ADAM10: variants seen among roughly 807,000 people sequenced by gnomAD.
The protein encoded by ADAM10 is ADAM metallopeptidase domain 10.
ADAM10 carries 17 observed loss-of-function variants against 90.1 expected under a neutral mutation model. That is an observed-to-expected ratio of 0.19 (90% confidence interval 0.13 to 0.28). The LOEUF is 0.28. ADAM10 is among the 10% of genes least tolerant of loss of function. The probability of loss-of-function intolerance (pLI) is 1.00; values close to 1 mark genes in which losing one functional copy is unlikely to be tolerated. For missense variants in ADAM10, 610 were observed against 914.3 expected (o/e 0.67, Z 4.29); for synonymous variants, 310 against 298.6 (o/e 1.04, Z -0.40).
At chr15:58,651,844 T>C (rs1439192042) in intron 5 of ADAM10, among the ~76,000 whole-genome samples, 1 of 152,172 alleles carries the variant, frequency 6.6e-6, no homozygotes, top group East Asian at 1.9e-4. Flanking sequence ...ATAGCAATTG[T>C]ACTAATTTGC....
chr15:58,722,146 C>T (rs1397633038), intron 1 of ADAM10, among the ~76,000 whole-genome samples: 2 of 151,992 alleles, frequency 1.3e-5, no homozygotes, highest in Admixed American at 6.6e-5. Flanking sequence ...TCAAGGCCAG[C>T]CTGGCCAACA....
At chr15:58,641,670 T>A (rs9302203) in intron 7 of ADAM10, among the ~76,000 whole-genome samples, 42,904 of 152,140 alleles carry the variant, frequency 0.28, 8,434 homozygotes, top group African/African-American at 0.55. Flanking sequence ...AATACCAGAC[T>A]TCTATTAAAC....
At chr15:58,712,246 A>G (rs1405272448) in intron 2 of ADAM10, among the ~76,000 whole-genome samples, 2 of 152,270 alleles carry the variant, frequency 1.3e-5, no homozygotes, top group East Asian at 3.9e-4. Flanking sequence ...ATAGTATGCT[A>G]AAGTACATGA....
intron 1 of ADAM10, among the ~76,000 whole-genome samples, chr15:58,720,404 ATTTTT>A (rs879811536): frequency 0.15 from 6,972 of 45,126 alleles, 612 homozygotes; most frequent in African/African-American, 0.33. Flanking sequence ...ATTTTATTTT[ATTTTT>A]TTTTTTTTTG....
chr15:58,745,169 C>T (rs1234392683), intron 1 of ADAM10, among the ~76,000 whole-genome samples: 1 of 152,068 alleles, frequency 6.6e-6, no homozygotes, highest in South Asian at 2.1e-4. Context: ...GGTGACAGAG[C>T]GAGATTCCAT....
chr15:58,737,416 G>T (rs148050801), intron 1 of ADAM10, among the ~76,000 whole-genome samples: 1 of 152,030 alleles, frequency 6.6e-6, no homozygotes, highest in Non-Finnish European at 1.5e-5. Flanking sequence ...TTCAAATACT[G>T]TAAGTACAAA....
At chr15:58,718,419 C>T (rs761838192) in intron 1 of ADAM10, among the ~76,000 whole-genome samples, 8 of 151,870 alleles carry the variant, frequency 5.3e-5, no homozygotes, top group Non-Finnish European at 1.0e-4. Flanking sequence ...GGGTATATAC[C>T]GGCTTACAGT....
At chr15:58,651,512 T>C (rs928308649) in intron 5 of ADAM10, among the ~76,000 whole-genome samples, 5 of 152,226 alleles carry the variant, frequency 3.3e-5, no homozygotes, top group Non-Finnish European at 7.3e-5. Flanking sequence ...TATGTGAAGT[T>C]TGTCTTTCTG....
rs1299902898 is a variant in ADAM10 at position 58,611,942 on chromosome 15, A to G, written c.1561T>C (p.Ser521Pro). Reference protein sequence around the residue: ...CTAQCAFKSKSEKCRDDSDCA... With the variant: ...CTAQCAFKSKPEKCRDDSDCA... ...TCTGAATCATCCCGACACTTCTCAGACTTTGACTTGAATGCACACTGTGCT... is the reference window on the plus strand; with the variant it reads ...TCTGAATCATCCCGACACTTCTCAGGCTTTGACTTGAATGCACACTGTGCT... The change falls in exon 12 of 16, where the codon TCT becomes CCT. Residue 521 changes from serine to proline, a missense_variant. Physicochemically the swap from Ser to Pro is moderately conservative, Grantham distance 74. This residue lies in a region of ADAM10 where 53 missense variants were observed against 62.0 expected (regional missense o/e 0.85). Coordinates refer to ENST00000260408, the MANE Select transcript of ADAM10 (RefSeq NM_001110.4). 3 of 1,614,168 alleles carry G rather than the reference A, an allele frequency of 1.9e-6. No individual in the cohort carries two copies.
chr15:58,706,279 C>G (rs1213692443), intron 2 of ADAM10, among the ~76,000 whole-genome samples: 1 of 152,098 alleles, frequency 6.6e-6, no homozygotes. Context: ...ATCCAGGAGT[C>G]CCAGAGACAA....
At chr15:58,686,496 C>T (rs191302877) in intron 2 of ADAM10, 1 of 1,422,848 alleles carries the variant, frequency 7.0e-7, no homozygotes, top group Middle Eastern at 1.8e-4. Flanking sequence ...ATCAATGTCT[C>T]TCAGGCAGCC....
intron 5 of ADAM10, among the ~76,000 whole-genome samples, chr15:58,658,419 A>C (rs1179343965): frequency 6.6e-6 from 1 of 152,208 alleles, no homozygotes; most frequent in Non-Finnish European, 1.5e-5. Context: ...AAGTCTTAAA[A>C]ACCAAATACT....
At chr15:58,629,916 T>C (rs1323780491) in intron 9 of ADAM10, among the ~76,000 whole-genome samples, 1 of 152,022 alleles carries the variant, frequency 6.6e-6, no homozygotes, top group Non-Finnish European at 1.5e-5. Context: ...ACAGGTGCAG[T>C]CCAGCACACC....
rs1162350060 is a variant in ADAM10, at chr15:58,647,248, A to ATTTCTTTTTT, written c.586-1045_586-1044insAAAAAAGAAA. ...TGGCAGCAAAGAGTAGACACTAAGTATTTTTTTTTTTTTTTTTTTTTTTTT... is the reference window on the plus strand; with the variant it reads ...TGGCAGCAAAGAGTAGACACTAAGTATTTCTTTTTTTTTTTTTTTTTTTTTTTTTTTTTTT... On this transcript the variant is annotated intron_variant, in intron 5 of 15. Transcript: ENST00000260408. Among the ~76,000 whole-genome samples the ATTTCTTTTTT allele has an allele frequency of 1.2e-3, 72 of 59,600 alleles. 14 individuals carry two copies. The highest frequency in any genetic ancestry group is 3.7e-3 in the African/African-American group (69 of 18,644). The allele number at this position is 59,600 out of a possible 152,430, so 39.1% of individuals were successfully genotyped here. A position where few individuals can be genotyped will look rare whatever the true frequency, so the allele number is the denominator to read the frequency against.
At chr15:58,719,445 T>A (rs542227192) in intron 1 of ADAM10, among the ~76,000 whole-genome samples, 1 of 152,140 alleles carries the variant, frequency 6.6e-6, no homozygotes, top group Non-Finnish European at 1.5e-5. Context: ...AAGTGATTCT[T>A]TGACAAATCA....
In ADAM10 at chr15:58,716,588, G is replaced by C. The variant is rs1898666032; in HGVS notation, c.206+989C>G. 2.0e-5 allele frequency among the ~76,000 whole-genome samples: 3 copies of C among 152,106 alleles called. No homozygotes were observed. In the South Asian group the frequency reaches 6.2e-4, roughly 31 times the overall value. ...AAGTAAGTTTAGAATAATAGACTAG[G>C]ATTAATTTACAGAGAAACTTAAAAG... On this transcript the variant is annotated intron_variant, in intron 2 of 15. Coordinates refer to ENST00000260408, the MANE Select transcript of ADAM10 (RefSeq NM_001110.4).
intron 14 of ADAM10, 59 bp downstream of exon 14, chr15:58,610,238 C>T (rs745349561): frequency 9.5e-5 from 137 of 1,449,632 alleles, no homozygotes; most frequent in Non-Finnish European, 1.3e-4. Flanking sequence ...GACTTCTGGC[C>T]AAGTAAAATT....
At chr15:58,696,228 A>C (rs1489211305) in intron 2 of ADAM10, among the ~76,000 whole-genome samples, 1 of 151,934 alleles carries the variant, frequency 6.6e-6, no homozygotes, top group Non-Finnish European at 1.5e-5. Context: ...CAGAGGTTGC[A>C]GTGGGCCAAG....
At chr15:58,692,516 C>G (rs1294149712) in intron 2 of ADAM10, 1 of 519,910 alleles carries the variant, frequency 1.9e-6, no homozygotes, top group Non-Finnish European at 3.9e-6. Context: ...TTCTCTTCCT[C>G]ATCATCACTG....
Sources: allele counts gnomAD v4.1 joint callset (sites outside exome capture counted in the v4.1 genomes callset), GRCh38; gene constraint gnomAD v4.1.1; regional missense constraint gnomAD v4.1.1; transcripts MANE v1.5; gene names NCBI Gene and HGNC (gene_info 2026-07-23, HGNC 2026-07-21).